Variants in BNC1 observed in about 807,000 individuals in gnomAD.
BNC1 encodes the protein basonuclin zinc finger protein 1.
BNC1 carries 8 observed loss-of-function variants against 66.5 expected under a neutral mutation model. The observed-to-expected ratio is 0.12, with a 90% CI of 0.07 to 0.22. The LOEUF is 0.22. Among genes scored for constraint, BNC1 ranks in the 10% least tolerant of loss-of-function variants. The probability of loss-of-function intolerance (pLI) is 1.00; values close to 1 mark genes in which losing one functional copy is unlikely to be tolerated. For missense variants in BNC1, 1,069 were observed against 1,241.3 expected (o/e 0.86, Z 2.09); for synonymous variants, 454 against 452.6 (o/e 1.00, Z -0.04).
At chr15:83,260,756 T>C (rs1378325536) in intron 4 of BNC1, among the ~76,000 whole-genome samples, 1 of 152,246 alleles carries the variant, frequency 6.6e-6, no homozygotes, top group Non-Finnish European at 1.5e-5. Context: ...TCTTGGTAAC[T>C]GTTGCTGGCA....
chr15:83,282,533 C>T (rs2038389680), intron 1 of BNC1, among the ~76,000 whole-genome samples: 1 of 152,060 alleles, frequency 6.6e-6, no homozygotes, highest in African/African-American at 2.4e-5. Context: ...TTTTGACAAA[C>T]TATTTTAACA....
intron 4 of BNC1, among the ~76,000 whole-genome samples, chr15:83,261,130 AAAGAT>A (rs1322113149): frequency 6.6e-6 from 1 of 152,216 alleles, no homozygotes; most frequent in Non-Finnish European, 1.5e-5. Context: ...CATAAATATC[AAAGAT>A]AATATGACCA....
At position 83,282,230 on chromosome 15, in the gene BNC1, T is replaced by C. The variant is rs570596597; in HGVS notation, c.99+2300A>G. 3.7e-4 allele frequency among the ~76,000 whole-genome samples: 56 copies of C among 152,344 alleles called. 1 individual carries two copies. Among genetic ancestry groups the C allele is most frequent in the Middle Eastern group, 6.8e-3 (2 of 294 alleles). On this transcript the variant is annotated intron_variant, in intron 1 of 4. Coordinates refer to ENST00000345382, the MANE Select transcript of BNC1 (RefSeq NM_001717.4). ...TGCTAGGTGAAGATTTCACCACCTC[T>C]TCTCAGCATTTAACTACAACAGGAA...
Position 83,268,383 on chromosome 15 carries a change from T to G in BNC1, c.100-151A>C, listed in dbSNP as rs1320382246. 4 of 670,852 alleles carry G rather than the reference T, an allele frequency of 6.0e-6. No homozygotes were observed. The East Asian group carries it at 8.2e-5, about 14-fold the overall frequency. The allele number at this position is 670,852 out of a possible 1,614,324, so 41.6% of individuals were successfully genotyped here. ...CCAGGCCCAGAAGTGTATATTGTAC[T>G]CTGGAAAGATGAGCAGCCACCCCTG... On this transcript the variant is annotated intron_variant, in intron 1 of 4. Transcript: ENST00000345382.
Position 83,263,605 on chromosome 15 carries a change from T to G in BNC1, c.1646A>C (p.Glu549Ala). Reference sequence around the variant, plus strand: ...TTTCTCATTAGCTATTTCCACAGCTTCTTTCTCTATTTTGATAGGCATACT... The same window carrying G: ...TTTCTCATTAGCTATTTCCACAGCTGCTTTCTCTATTTTGATAGGCATACT... Reference protein sequence around the residue: ...KSSMPIKIEKEAVEIANEKRH... With the variant: ...KSSMPIKIEKAAVEIANEKRH... Residue 549 changes from glutamate to alanine, a missense_variant, in exon 4 of 5, where the codon GAA (glutamate) becomes GCA (alanine). Physicochemically the swap from Glu to Ala is moderately radical, Grantham distance 107. Coordinates refer to ENST00000345382, the MANE Select transcript of BNC1 (RefSeq NM_001717.4). 6.2e-7 allele frequency: 1 copy of G among 1,614,244 alleles called. No homozygotes were observed. Among genetic ancestry groups the G allele is most frequent in the Non-Finnish European group, 8.5e-7 (1 of 1,180,034 alleles).
At chr15:83,277,952 C>G (rs1220380482) in intron 1 of BNC1, among the ~76,000 whole-genome samples, 1 of 152,140 alleles carries the variant, frequency 6.6e-6, no homozygotes. Context: ...CTTCCCACCT[C>G]TCACTTTTCA....
In BNC1 at chr15:83,263,812, G is replaced by T. The variant is rs1375492411; in HGVS notation, c.1439C>A (p.Pro480His). 6.2e-7 allele frequency: 1 copy of T among 1,614,156 alleles called. No individual in the cohort carries two copies. Among genetic ancestry groups the T allele is most frequent in the Non-Finnish European group, 8.5e-7 (1 of 1,180,026 alleles). The change falls in exon 4 of 5, where the codon CCC (proline) becomes CAC (histidine). Residue 480 changes from proline to histidine, a missense_variant. By Grantham distance (77) the Pro-to-His change is moderately conservative. This residue lies in a region of BNC1 where 657 missense variants were observed against 715.8 expected (regional missense o/e 0.92). Coordinates refer to ENST00000345382, the MANE Select transcript of BNC1 (RefSeq NM_001717.4). ...GACTGGCTGGACTGTCTTTAGGTTG[G>T]GAAAAAGCACACCATTTTGCCCAAT... ...PNIGQNGVLF[P>H]NLKTVQPVLP...
intron 1 of BNC1, among the ~76,000 whole-genome samples, chr15:83,282,369 C>A (rs1051524261): frequency 6.6e-6 from 1 of 152,226 alleles, no homozygotes; most frequent in Non-Finnish European, 1.5e-5. Flanking sequence ...TTTTAACCAT[C>A]TGAAAGTATG....
intron 1 of BNC1, chr15:83,283,110 G>C: frequency 6.5e-7 from 1 of 1,534,614 alleles, no homozygotes; most frequent in Non-Finnish European, 8.7e-7. Context: ...CACAATTAAG[G>C]CTGGGAGATG....
rs1376342810 is a variant in BNC1 at position 83,257,333 on chromosome 15, C to T, written c.*109G>A. The stretch of plus-strand genomic sequence containing the variant: ...GAAAACTATAAAGTCAAATCAAATA[C>T]TTTTGCCTGACTCGCCCCAAATGAT... On this transcript the variant is annotated 3_prime_UTR_variant, in exon 5 of 5. Coordinates refer to ENST00000345382, the MANE Select transcript of BNC1 (RefSeq NM_001717.4). 2.4e-6 allele frequency: 3 copies of T among 1,276,158 alleles called. No individual in the cohort carries two copies. The highest frequency in any genetic ancestry group is 3.0e-5 in the African/African-American group (2 of 66,832). 79.1% of individuals were successfully genotyped at this position (1,276,158 alleles called of 1,614,324 possible). A position where few individuals can be genotyped will look rare whatever the true frequency, so the allele number is the denominator to read the frequency against.
chr15:83,265,296 A>T (rs2038204990), intron 3 of BNC1, among the ~76,000 whole-genome samples: 1 of 152,242 alleles, frequency 6.6e-6, no homozygotes. Flanking sequence ...ATCAGAAAAC[A>T]AATGAACTGT....
At chr15:83,259,263 G>T (rs981969850) in intron 4 of BNC1, among the ~76,000 whole-genome samples, 1 of 152,124 alleles carries the variant, frequency 6.6e-6, no homozygotes, top group African/African-American at 2.4e-5. Flanking sequence ...TACCAAGGGG[G>T]TTACAATCTT....
At chr15:83,259,357 A>G (rs2151434208) in intron 4 of BNC1, among the ~76,000 whole-genome samples, 1 of 152,344 alleles carries the variant, frequency 6.6e-6, no homozygotes, top group South Asian at 2.1e-4. Context: ...AGTTGGGAAA[A>G]CACCTTCACC....
At position 83,258,021 on chromosome 15, in the gene BNC1, C is replaced by T. The variant is rs150566439; in HGVS notation, c.2406G>A (p.Lys802=). The change falls in exon 5 of 5, where the codon AAG becomes AAA. Residue 802 remains lysine (K), a synonymous_variant. Coordinates refer to ENST00000345382, the MANE Select transcript of BNC1 (RefSeq NM_001717.4). The part of the protein sequence containing the change: ...RAAYLLKDVA[K]EAYQDVAFTQ... ...TAAAAGCCACATCCTGATAGGCTTC[C>T]TTAGCCACATCTTTCAGAAGGTAAG... The T allele has an allele frequency of 1.5e-5, 25 of 1,613,940 alleles. No individual in the cohort carries two copies. In the African/African-American group the frequency reaches 2.8e-4, roughly 18 times the overall value.
At chr15:83,272,394 C>CTT (rs750429207) in intron 1 of BNC1, among the ~76,000 whole-genome samples, 12 of 122,694 alleles carry the variant, frequency 9.8e-5, no homozygotes, top group Admixed American at 5.8e-4. Context: ...CCACACCTGG[C>CTT]TTTTTTTTTT....
rs926112222 is a variant in BNC1 at position 83,262,968 on chromosome 15, G to T, written c.2283C>A (p.Ser761=). The stretch of plus-strand genomic sequence containing the variant: ...TGCCTTACCTGTCTCTGCTCCTGCG[G>T]GAGGGAAAGGTAGCATTACAGCCCT... ...TVEGCNATFP[S]RRSRDRHSSN... The change falls in exon 4 of 5, where the codon TCC becomes TCA. Residue 761 remains serine (S), a synonymous_variant. Coordinates refer to ENST00000345382, the MANE Select transcript of BNC1 (RefSeq NM_001717.4). 3 of 1,608,722 alleles carry T rather than the reference G, an allele frequency of 1.9e-6. No homozygotes were observed. Among genetic ancestry groups the T allele is most frequent in the African/African-American group, 2.7e-5 (2 of 74,774 alleles).
Position 83,264,104 on chromosome 15 carries a change from T to C in BNC1, c.1147A>G (p.Ile383Val), listed in dbSNP as rs1405945469. 1 of 1,614,172 alleles carries C rather than the reference T, an allele frequency of 6.2e-7. No homozygotes were observed. The highest frequency in any genetic ancestry group is 8.5e-7 in the Non-Finnish European group (1 of 1,180,042). Reference protein sequence around the residue: ...KIHYNAVHLKIKHKCTIEGCN... With the variant: ...KIHYNAVHLKVKHKCTIEGCN... ...CCTTCGATGGTGCACTTATGCTTGA[T>C]CTTCAAGTGGACGGCATTGTAGTGG... Residue 383 changes from isoleucine (I) to valine (V), a missense_variant, in exon 4 of 5, where the codon ATC becomes GTC. Physicochemically the swap from Ile to Val is conservative, Grantham distance 29. Coordinates refer to ENST00000345382, the MANE Select transcript of BNC1 (RefSeq NM_001717.4).
chr15:83,275,031 T>C (rs973411352), intron 1 of BNC1, among the ~76,000 whole-genome samples: 3 of 152,228 alleles, frequency 2.0e-5, no homozygotes, highest in Non-Finnish European at 2.9e-5. Flanking sequence ...ATTTCATTCA[T>C]TGAATAAGTA....
intron 1 of BNC1, among the ~76,000 whole-genome samples, chr15:83,272,688 G>C (rs1171421234): frequency 2.0e-5 from 3 of 152,224 alleles, no homozygotes; most frequent in African/African-American, 7.2e-5. Flanking sequence ...CGCAACCCAG[G>C]AAACCAGGTG....
Sources: allele counts gnomAD v4.1 joint callset (sites outside exome capture counted in the v4.1 genomes callset), GRCh38; gene constraint gnomAD v4.1.1; regional missense constraint gnomAD v4.1.1; transcripts MANE v1.5; gene names NCBI Gene and HGNC (gene_info 2026-07-23, HGNC 2026-07-21).